The following THRB variants were observed in gnomAD, a reference collection of about 807,000 sequenced individuals.
THRB encodes thyroid hormone receptor beta.
A neutral mutation model predicts 47.8 loss-of-function variants in THRB; 12 were observed. The observed-to-expected ratio is 0.25, with a 90% CI of 0.16 to 0.41. The LOEUF is 0.41. Among genes scored for constraint, THRB ranks in the 10% least tolerant of loss-of-function variants. The pLI, the probability that THRB is intolerant of heterozygous loss-of-function variation, is 1.00. For synonymous variants in THRB, 218 were observed against 212.2 expected, an observed-to-expected ratio of 1.03 and a Z score of -0.24; for missense variants, 348 against 589.2, an observed-to-expected ratio of 0.59 and a Z score of 4.24.
intron 3 of THRB, among the ~76,000 whole-genome samples, chr3:24,248,622 G>A (rs2050349144): frequency 6.6e-6 from 1 of 152,162 alleles, no homozygotes; most frequent in East Asian, 1.9e-4. Context: ...AAGACTGGAA[G>A]GTGAGGAGAA....
At chr3:24,469,389 A>G (rs2074393737) in intron 1 of THRB, among the ~76,000 whole-genome samples, 1 of 152,146 alleles carries the variant, frequency 6.6e-6, no homozygotes, top group African/African-American at 2.4e-5. Flanking sequence ...AGGAGCTGGG[A>G]AAACACCTCG....
At chr3:24,274,869 CTA>C (rs1311755659) in intron 3 of THRB, among the ~76,000 whole-genome samples, 1 of 151,200 alleles carries the variant, frequency 6.6e-6, no homozygotes, top group Non-Finnish European at 1.5e-5. Context: ...TATTTATTTT[CTA>C]TGAGAGAGAC....
chr3:24,134,558 G>A (rs369110642), intron 8 of THRB, among the ~76,000 whole-genome samples: 10 of 152,108 alleles, frequency 6.6e-5, no homozygotes, highest in Admixed American at 4.6e-4. Context: ...CCAGGCCTGC[G>A]ATCTGGGTGG....
intron 3 of THRB, among the ~76,000 whole-genome samples, chr3:24,256,267 A>G (rs2051269492): frequency 7.3e-6 from 1 of 137,656 alleles, no homozygotes; most frequent in African/African-American, 2.6e-5. Context: ...AGAGGCCTTA[A>G]TGAGTATTAC....
intron 1 of THRB, among the ~76,000 whole-genome samples, chr3:24,489,818 T>C (rs1341163047): frequency 1.3e-5 from 2 of 151,978 alleles, no homozygotes; most frequent in African/African-American, 4.9e-5. Context: ...GTGATTTGGA[T>C]ACTCCCCCCC....
intron 3 of THRB, among the ~76,000 whole-genome samples, chr3:24,273,779 C>T (rs976180545): frequency 6.6e-6 from 1 of 152,144 alleles, no homozygotes; most frequent in African/African-American, 2.4e-5. Context: ...GAGCACAATA[C>T]TATCTTCCCG....
At chr3:24,225,564 C>G (rs2047574799) in intron 4 of THRB, among the ~76,000 whole-genome samples, 1 of 152,180 alleles carries the variant, frequency 6.6e-6, no homozygotes, top group South Asian at 2.1e-4. Flanking sequence ...CATAATGGGT[C>G]TTTGTTTTTG....
intron 1 of THRB, among the ~76,000 whole-genome samples, chr3:24,383,547 T>C (rs1215960805): frequency 6.6e-6 from 1 of 152,122 alleles, no homozygotes; most frequent in Non-Finnish European, 1.5e-5. Flanking sequence ...CGAAATCAAG[T>C]ATATCTTAAA....
In THRB at chr3:24,128,659, G is replaced by A. The variant is rs568568312; in HGVS notation, c.886-902C>T. Among the ~76,000 whole-genome samples the A allele has an allele frequency of 9.3e-5, 14 of 150,636 alleles. No individual in the cohort carries two copies. In the East Asian group the frequency reaches 2.8e-3, roughly 30 times the overall value. On this transcript the variant is annotated intron_variant, in intron 9 of 10. Coordinates refer to ENST00000646209, the MANE Select transcript of THRB (RefSeq NM_001354712.2). ...TTGGGCATCATGCCCAGATTTCCAT[G>A]CATCACCTCATTTAATCTTCACAGC... is the stretch of plus-strand genomic sequence containing the variant.
intron 1 of THRB, among the ~76,000 whole-genome samples, chr3:24,394,504 G>C (rs754489266): frequency 6.6e-6 from 1 of 152,074 alleles, no homozygotes; most frequent in African/African-American, 2.4e-5. Context: ...CATTGGGTAT[G>C]GATCATACAT....
intron 5 of THRB, among the ~76,000 whole-genome samples, chr3:24,157,914 C>A (rs1053454109): frequency 2.0e-5 from 3 of 152,122 alleles, no homozygotes; most frequent in Admixed American, 2.0e-4. Flanking sequence ...CTTTTGCCGT[C>A]CCTGTACATT....
At chr3:24,184,245 A>C (rs967051883) in intron 5 of THRB, among the ~76,000 whole-genome samples, 6 of 152,228 alleles carry the variant, frequency 3.9e-5, no homozygotes, top group Admixed American at 3.9e-4. Context: ...AGACATTTAG[A>C]TCGCTTCCAG....
intron 1 of THRB, among the ~76,000 whole-genome samples, chr3:24,427,461 A>G (rs1051730416): frequency 6.6e-6 from 1 of 152,048 alleles, no homozygotes; most frequent in Admixed American, 6.6e-5. Context: ...AACGTAGCTC[A>G]TATGATTGTG....
intron 1 of THRB, among the ~76,000 whole-genome samples, chr3:24,389,928 T>C (rs1042549579): frequency 3.2e-4 from 48 of 152,162 alleles, no homozygotes; most frequent in African/African-American, 1.1e-3. Context: ...AACAGGTATT[T>C]GTGGAGCACT....
intron 1 of THRB, among the ~76,000 whole-genome samples, chr3:24,492,918 C>T (rs547423874): frequency 6.6e-6 from 1 of 152,318 alleles, no homozygotes; most frequent in African/African-American, 2.4e-5. Flanking sequence ...TTTTCACTGG[C>T]TATAAAATAA....
chr3:24,201,461 A>G (rs76256921), intron 4 of THRB, among the ~76,000 whole-genome samples: 5,508 of 152,320 alleles, frequency 0.036, 302 homozygotes, highest in African/African-American at 0.12. Flanking sequence ...CCTCCAGAAC[A>G]GGTGAATCAC....
chr3:24,370,106 C>T (rs1028583191), intron 1 of THRB, among the ~76,000 whole-genome samples: 2 of 152,122 alleles, frequency 1.3e-5, no homozygotes, highest in African/African-American at 2.4e-5. Context: ...TAAATCAACA[C>T]AACACATTTT....
intron 3 of THRB, among the ~76,000 whole-genome samples, chr3:24,293,611 C>T (rs1460081188): frequency 6.6e-6 from 1 of 152,166 alleles, no homozygotes; most frequent in East Asian, 1.9e-4. Flanking sequence ...GTAATCTATT[C>T]TTTTACCAAC....
chr3:24,424,450 T>C (rs1458439769), intron 1 of THRB, among the ~76,000 whole-genome samples: 1 of 151,942 alleles, frequency 6.6e-6, no homozygotes, highest in Non-Finnish European at 1.5e-5. Flanking sequence ...GTAAGCAGCA[T>C]TGGCAATATC....
Sources: allele counts gnomAD v4.1 joint callset (sites outside exome capture counted in the v4.1 genomes callset), GRCh38; gene constraint gnomAD v4.1.1; transcripts MANE v1.5; gene names NCBI Gene and HGNC (gene_info 2026-07-23, HGNC 2026-07-21).